Variants in AKR1B15 observed in about 807,000 individuals in gnomAD.
AKR1B15 encodes the protein aldo-keto reductase family 1 member B15, also known as estradiol 17-beta-dehydrogenase AKR1B15.
A neutral mutation model predicts 38.5 loss-of-function variants in AKR1B15; 49 were observed. The observed-to-expected ratio is 1.27, with a 90% CI of 1.01 to 1.62. The LOEUF is 1.62. AKR1B15 is among the 40% of genes most tolerant of loss of function. AKR1B15 has a pLI of 0.00. For missense variants in AKR1B15, 411 were observed against 381.6 expected, an observed-to-expected ratio of 1.08 and a Z score of -0.64; for synonymous variants, 137 against 135.5, an observed-to-expected ratio of 1.01 and a Z score of -0.08.
chr7:134,579,499 C>A lies in AKR1B15; in HGVS notation c.993-8C>A. ...ACAGTTTCTTTTTTTTTTTCTCTCT[C>A]TCTGTAGATTCTCTCATTTGGAGGA... On this transcript the variant is annotated splice_region_variant and splice_polypyrimidine_tract_variant and intron_variant, in intron 11 of 11. Transcript: ENST00000457545. 6.3e-7 allele frequency: 1 copy of A among 1,576,798 alleles called. No homozygotes were observed. Among genetic ancestry groups the A allele is most frequent in the Non-Finnish European group, 8.6e-7 (1 of 1,163,522 alleles).
In AKR1B15 at chr7:134,568,170, A is replaced by G. The variant is rs375294848; in HGVS notation, c.163A>G (p.Lys55Glu). 49 of 1,613,932 alleles carry G rather than the reference A, an allele frequency of 3.0e-5. No individual in the cohort carries two copies. Among genetic ancestry groups the G allele is most frequent in the Non-Finnish European group, 4.0e-5 (47 of 1,179,978 alleles). Residue 55 changes from lysine (K) to glutamate (E), a missense_variant, in exon 4 of 12, where the codon AAA becomes GAA. Transcript: ENST00000457545. ...LRPYPASLLG[K>E]VKEAVKVAID... ...TTTTGCTTTTCAGTCTCTTCTCGGC[A>G]AAGTGAAAGAAGCGGTGAAGGTGGC...
chr7:134,555,971 A>C (rs1280570651), intron 1 of AKR1B15, among the ~76,000 whole-genome samples: 3 of 152,076 alleles, frequency 2.0e-5, no homozygotes, highest in African/African-American at 7.2e-5. Flanking sequence ...TGTGCTTCCC[A>C]TCCTAAGCCG....
chr7:134,569,693 G>A (rs763058649), intron 5 of AKR1B15, 164 bp downstream of exon 5: 34 of 675,680 alleles, frequency 5.0e-5, no homozygotes, highest in African/African-American at 1.6e-4. Flanking sequence ...AATTTCTTAC[G>A]CCTGTCTTTA....
intron 6 of AKR1B15, chr7:134,573,269 G>T (rs1004005012): frequency 8.3e-6 from 5 of 601,664 alleles, no homozygotes; most frequent in African/African-American, 8.1e-5. Context: ...GACCTCAAGG[G>T]ATCCACCCGT....
chr7:134,553,794 T>G (rs1254913736), intron 1 of AKR1B15, among the ~76,000 whole-genome samples: 1 of 152,212 alleles, frequency 6.6e-6, no homozygotes, highest in Non-Finnish European at 1.5e-5. Flanking sequence ...GGAAACTGGC[T>G]GACCTCATCT....
rs529882695 is a variant in AKR1B15 at position 134,579,732 on chromosome 7, T to A, written c.*183T>A. The stretch of plus-strand genomic sequence containing the variant: ...TCTGTATGTTCAACTAGGATAAGAA[T>A]ATCACAGAAAAGCATGGCCTGAATA... On this transcript the variant is annotated 3_prime_UTR_variant, in exon 12 of 12. Coordinates refer to ENST00000457545, the MANE Select transcript of AKR1B15 (RefSeq NM_001080538.3). 1.9e-6 allele frequency: 1 copy of A among 527,822 alleles called. No homozygotes were observed. The highest frequency in any genetic ancestry group is 3.2e-5 in the East Asian group (1 of 31,626). 32.7% of individuals were successfully genotyped at this position (527,822 alleles called of 1,614,324 possible). A position where few individuals can be genotyped will look rare whatever the true frequency, so the allele number is the denominator to read the frequency against.
chr7:134,556,250 A>G (rs1794192250), intron 1 of AKR1B15, among the ~76,000 whole-genome samples: 1 of 152,172 alleles, frequency 6.6e-6, no homozygotes, highest in South Asian at 2.1e-4. Flanking sequence ...AGCTGCAATG[A>G]CAATACCTCC....
chr7:134,550,726 C>T (rs1039162092), intron 1 of AKR1B15, among the ~76,000 whole-genome samples: 32 of 152,282 alleles, frequency 2.1e-4, no homozygotes, highest in African/African-American at 7.7e-4. Flanking sequence ...CTCTTCTTCC[C>T]GGCCCCATAA....
chr7:134,578,976 T>G (rs1271077834), intron 11 of AKR1B15, among the ~76,000 whole-genome samples: 1 of 152,222 alleles, frequency 6.6e-6, no homozygotes, highest in African/African-American at 2.4e-5. Flanking sequence ...TGGCCTCAAA[T>G]CCAACTCTAA....
intron 2 of AKR1B15, among the ~76,000 whole-genome samples, chr7:134,560,932 G>A (rs1330654967): frequency 6.6e-6 from 1 of 152,172 alleles, no homozygotes; most frequent in Non-Finnish European, 1.5e-5. Context: ...AAAGAAATTA[G>A]ATAATCCTCA....
chr7:134,567,545 G>C (rs1287225362), intron 3 of AKR1B15, among the ~76,000 whole-genome samples: 2 of 128,972 alleles, frequency 1.6e-5, no homozygotes, highest in Non-Finnish European at 3.5e-5. Flanking sequence ...CTTGTGGCTG[G>C]TGCTATTTTT....
chr7:134,553,475 C>T (rs956510931), intron 1 of AKR1B15, among the ~76,000 whole-genome samples: 1 of 152,174 alleles, frequency 6.6e-6, no homozygotes, highest in Non-Finnish European at 1.5e-5. Context: ...AGAGACTGGA[C>T]CCTGTGGCCT....
intron 6 of AKR1B15, chr7:134,573,572 G>C (rs1369602698): frequency 2.0e-6 from 2 of 983,816 alleles, no homozygotes; most frequent in East Asian, 2.3e-4. Flanking sequence ...CCCACAACCA[G>C]TTCAGTAGAA....
intron 3 of AKR1B15, 127 bp from the exon 4 acceptor site, chr7:134,568,031 T>C: frequency 8.7e-7 from 1 of 1,155,082 alleles, no homozygotes; most frequent in South Asian, 1.4e-5. Context: ...GTGGTGTAAT[T>C]CCAGCTACTC....
intron 2 of AKR1B15, among the ~76,000 whole-genome samples, chr7:134,561,801 GCTGA>G (rs927206166): frequency 2.0e-5 from 3 of 152,106 alleles, no homozygotes; most frequent in African/African-American, 7.2e-5. Context: ...TCCCTAGACT[GCTGA>G]CTACCAACTA....
chr7:134,562,330 C>T (rs868302524), intron 2 of AKR1B15, among the ~76,000 whole-genome samples: 1 of 152,174 alleles, frequency 6.6e-6, no homozygotes, highest in Non-Finnish European at 1.5e-5. Context: ...AGCGGGTTGC[C>T]TAAGCGTTGC....
At position 134,579,562 on chromosome 7, in the gene AKR1B15, T is replaced by C. The variant is rs376948873; in HGVS notation, c.*13T>C. 8 of 1,592,782 alleles carry C rather than the reference T, an allele frequency of 5.0e-6. No individual in the cohort carries two copies. The highest frequency in any genetic ancestry group is 6.9e-6 in the Non-Finnish European group (8 of 1,167,396). ...TGCAGAATATTGAGGTTGAATCTCC[T>C]GGTGAGATTACACAGGGGATTCTCT... is the stretch of plus-strand genomic sequence containing the variant. On this transcript the variant is annotated 3_prime_UTR_variant, in exon 12 of 12. Transcript: ENST00000457545.
chr7:134,559,756 C>A (rs544251312), intron 2 of AKR1B15, among the ~76,000 whole-genome samples: 5 of 152,182 alleles, frequency 3.3e-5, no homozygotes, highest in African/African-American at 1.2e-4. Flanking sequence ...TTGGTAAATT[C>A]ATGAAGCTAG....
intron 2 of AKR1B15, among the ~76,000 whole-genome samples, chr7:134,562,849 T>G (rs1554402381): frequency 1.1e-5 from 1 of 95,212 alleles, no homozygotes; most frequent in Admixed American, 9.1e-5. Flanking sequence ...TTTCTTTCTT[T>G]CTTTCTTTCT....
Sources: allele counts gnomAD v4.1 joint callset (sites outside exome capture counted in the v4.1 genomes callset), GRCh38; gene constraint gnomAD v4.1.1; transcripts MANE v1.5; gene names NCBI Gene and HGNC (gene_info 2026-07-23, HGNC 2026-07-21).